The following CRB1 variants were observed in gnomAD, a reference collection of about 807,000 sequenced individuals.
CRB1 encodes protein crumbs homolog 1.
Under a neutral mutation model 120.0 loss-of-function variants are expected in CRB1, and 83 were observed. The ratio of observed to expected loss-of-function variants is 0.69; its 90% confidence interval spans 0.58 to 0.83. CRB1 has a LOEUF of 0.83. CRB1 is among the 40% of genes least tolerant of loss of function. The pLI is 0.00. For synonymous variants in CRB1, 625 were observed against 612.5 expected (o/e 1.02, Z -0.30); for missense variants, 1,699 against 1,687.6 (o/e 1.01, Z -0.12).
intron 5 of CRB1, among the ~76,000 whole-genome samples, chr1:197,383,610 G>A (rs1042609214): frequency 6.6e-6 from 1 of 152,146 alleles, no homozygotes; most frequent in Non-Finnish European, 1.5e-5. Context: ...AACCTGATAT[G>A]CAGCTTCCTC....
chr1:197,307,508 A>G (rs1657242069), intron 1 of CRB1, among the ~76,000 whole-genome samples: 1 of 152,252 alleles, frequency 6.6e-6, no homozygotes, highest in East Asian at 1.9e-4. Flanking sequence ...ACTGAAATAT[A>G]CACTTTAAAA....
chr1:197,287,840 G>A (rs541923045), intron 1 of CRB1, among the ~76,000 whole-genome samples: 1 of 151,952 alleles, frequency 6.6e-6, no homozygotes, highest in South Asian at 2.1e-4. Flanking sequence ...TGAGCAAGAT[G>A]GAGTAGGTGG....
chr1:197,446,287 C>A (rs1029888276), intron 11 of CRB1, among the ~76,000 whole-genome samples: 3 of 152,108 alleles, frequency 2.0e-5, no homozygotes, highest in African/African-American at 7.2e-5. Context: ...GGCATTTTGT[C>A]CAGTCTTACA....
Position 197,432,357 on chromosome 1 carries a change from AACACACACACAC to A in CRB1, c.2843-2313_2843-2302del, listed in dbSNP as rs35921087. ...AATTCCCAACTCCAAACCTGGTTGA[AACACACACACAC>A]ACACACACACACACACACACACACA... On this transcript the variant is annotated intron_variant, in intron 8 of 11. Coordinates refer to ENST00000367400, the MANE Select transcript of CRB1 (RefSeq NM_201253.3). Among the ~76,000 whole-genome samples, 300 of 139,846 alleles carry A rather than the reference AACACACACACAC, an allele frequency of 2.1e-3. 2 individuals are homozygous for A. The highest frequency in any genetic ancestry group is 4.3e-3 in the African/African-American group (161 of 37,244). The allele number at this position is 139,846 out of a possible 152,430, so 91.7% of individuals were successfully genotyped here. A position where few individuals can be genotyped will look rare whatever the true frequency, so the allele number is the denominator to read the frequency against.
rs1558076296 is a variant in CRB1, at chr1:197,354,825, ACCCCCCCC to A, written c.989-2001_989-1994del. Reference sequence around the variant, plus strand: ...TCCCTTATCTGCCCCCCGCCCCCCCACCCCCCCCCCCCGCCCACCCCCCCCCCCCCGCC... The same window carrying A: ...TCCCTTATCTGCCCCCCGCCCCCCCACCCCGCCCACCCCCCCCCCCCCGCC... On this transcript the variant is annotated intron_variant, in intron 4 of 11. Transcript: ENST00000367400. 2.4e-3 allele frequency among the ~76,000 whole-genome samples: 34 copies of A among 14,216 alleles called. 1 individual carries two copies. Among genetic ancestry groups the A allele is most frequent in the African/African-American group, 9.5e-3 (33 of 3,460 alleles). 9.3% of individuals were successfully genotyped at this position (14,216 alleles called of 152,430 possible). A position where few individuals can be genotyped will look rare whatever the true frequency, so the allele number is the denominator to read the frequency against.
At chr1:197,242,948 A>G in the CRB1 span, among the ~76,000 whole-genome samples, 2 of 151,970 alleles carry the variant, frequency 1.3e-5, no homozygotes, top group Non-Finnish European at 2.9e-5. Context: ...TAGATTTTCT[A>G]GTTTATTTGT....
chr1:197,429,392 A>G, intron 7 of CRB1, 57 bp from the exon 8 acceptor site: 1 of 1,587,180 alleles, frequency 6.3e-7, no homozygotes, highest in Non-Finnish European at 8.7e-7. Flanking sequence ...TTCACCGTCA[A>G]CATTTTTCTA....
chr1:197,376,140 C>G (rs1661634702), intron 5 of CRB1, among the ~76,000 whole-genome samples: 1 of 152,228 alleles, frequency 6.6e-6, no homozygotes, highest in Middle Eastern at 3.4e-3. Context: ...TTTCTAGACT[C>G]TAAATGCTGG....
At chr1:197,387,269 AAATGTAGCTC>A (rs1211813416) in intron 5 of CRB1, among the ~76,000 whole-genome samples, 1 of 152,100 alleles carries the variant, frequency 6.6e-6, no homozygotes, top group Non-Finnish European at 1.5e-5. Context: ...GTATTTTGGC[AAATGTAGCTC>A]AATGTAGCTA....
chr1:197,223,653 G>T, the CRB1 span, among the ~76,000 whole-genome samples: 2 of 152,076 alleles, frequency 1.3e-5, no homozygotes, highest in African/African-American at 4.8e-5. Context: ...ATCATATTTG[G>T]ACTGTTGTAT....
At chr1:197,430,673 A>G (rs1046859401) in intron 8 of CRB1, among the ~76,000 whole-genome samples, 3 of 151,958 alleles carry the variant, frequency 2.0e-5, no homozygotes, top group African/African-American at 7.2e-5. Flanking sequence ...ACTTGGCTTT[A>G]TTTTTATTTT....
chr1:197,319,289 G>A (rs1355708645), intron 1 of CRB1, among the ~76,000 whole-genome samples: 5 of 70,122 alleles, frequency 7.1e-5, no homozygotes, highest in Non-Finnish European at 9.0e-5. Context: ...TTAGCCGGAC[G>A]TGGTGGCGGG....
At chr1:197,363,312 A>G (rs1249745268) in intron 5 of CRB1, among the ~76,000 whole-genome samples, 1 of 152,060 alleles carries the variant, frequency 6.6e-6, no homozygotes, top group East Asian at 1.9e-4. Flanking sequence ...TTAGGCCTCA[A>G]GAGTCTTTCT....
intron 5 of CRB1, among the ~76,000 whole-genome samples, chr1:197,374,838 T>A (rs1661560033): frequency 1.3e-5 from 2 of 152,192 alleles, no homozygotes; most frequent in Admixed American, 1.3e-4. Context: ...ATACGTTGCC[T>A]TCTGGCTGGA....
chr1:197,344,702 T>C (rs1480971923), intron 3 of CRB1, among the ~76,000 whole-genome samples: 2 of 152,228 alleles, frequency 1.3e-5, no homozygotes, highest in Non-Finnish European at 2.9e-5. Context: ...AGTTTAGAAC[T>C]GCTTATCCTA....
intron 1 of CRB1, among the ~76,000 whole-genome samples, chr1:197,268,725 T>C (rs1654739649): frequency 6.6e-6 from 1 of 152,194 alleles, no homozygotes; most frequent in South Asian, 2.1e-4. Flanking sequence ...TTTTTAACCT[T>C]TGTAGTAGTG....
At chr1:197,309,957 G>C (rs1483347399) in intron 1 of CRB1, among the ~76,000 whole-genome samples, 1 of 152,020 alleles carries the variant, frequency 6.6e-6, no homozygotes, top group African/African-American at 2.4e-5. Flanking sequence ...TTTATACAAG[G>C]AAAGTGAAAA....
At chr1:197,302,668 C>A (rs946818281) in intron 1 of CRB1, among the ~76,000 whole-genome samples, 1 of 151,996 alleles carries the variant, frequency 6.6e-6, no homozygotes, top group Non-Finnish European at 1.5e-5. Flanking sequence ...ATAGAAAATT[C>A]AGAATAAAGT....
At chr1:197,243,680 C>A in the CRB1 span, among the ~76,000 whole-genome samples, 1 of 152,010 alleles carries the variant, frequency 6.6e-6, no homozygotes, top group Admixed American at 6.6e-5. Context: ...CTGTAGATGT[C>A]TATTAGGTTT....
Sources: allele counts gnomAD v4.1 joint callset (sites outside exome capture counted in the v4.1 genomes callset), GRCh38; gene constraint gnomAD v4.1.1; transcripts MANE v1.5; gene names NCBI Gene and HGNC (gene_info 2026-07-23, HGNC 2026-07-21).